The following ACSL3 variants were observed in gnomAD, a reference collection of about 807,000 sequenced individuals.
ACSL3 encodes acyl-CoA synthetase long chain family member 3.
In ACSL3, 34 loss-of-function variants were observed where a neutral mutation model predicts 84.7. The ratio of observed to expected loss-of-function variants is 0.40; its 90% CI spans 0.31 to 0.53. The LOEUF (loss-of-function observed/expected upper bound fraction) is 0.53, where lower values mean the gene tolerates loss of function less well. Ranked by LOEUF, ACSL3 falls within the 20% of genes least tolerant of loss-of-function variation. The pLI is 0.48. For missense variants in ACSL3, 680 were observed against 873.1 expected, an observed-to-expected ratio of 0.78 and a Z score of 2.79; for synonymous variants, 315 against 299.4, an observed-to-expected ratio of 1.05 and a Z score of -0.54.
At chr2:222,867,515 G>A (rs1401674049) in intron 1 of ACSL3, among the ~76,000 whole-genome samples, 1 of 152,132 alleles carries the variant, frequency 6.6e-6, no homozygotes, top group African/African-American at 2.4e-5. Context: ...GGTACTGCAT[G>A]TATTCTTGTT....
At chr2:222,875,862 C>G (rs917364890) in intron 1 of ACSL3, among the ~76,000 whole-genome samples, 1 of 151,924 alleles carries the variant, frequency 6.6e-6, no homozygotes, top group African/African-American at 2.4e-5. Flanking sequence ...TTTTGTTTTT[C>G]CCTGTTTTAA....
At chr2:222,889,690 C>T (rs952098364) in intron 2 of ACSL3, among the ~76,000 whole-genome samples, 2 of 152,214 alleles carry the variant, frequency 1.3e-5, no homozygotes, top group Non-Finnish European at 2.9e-5. Flanking sequence ...AGCAAGTTTG[C>T]TCCTCCCTTG....
chr2:222,933,907 ATGATTC>A (rs1697101887), intron 15 of ACSL3, among the ~76,000 whole-genome samples: 1 of 152,246 alleles, frequency 6.6e-6, no homozygotes, highest in Admixed American at 6.5e-5. Flanking sequence ...TTATTTATAA[ATGATTC>A]TGGTCTTTAG....
chr2:222,917,661 A>G, intron 5 of ACSL3: 1 of 155,070 alleles, frequency 6.4e-6, no homozygotes, highest in Non-Finnish European at 1.4e-5. Context: ...TAAATCTGAC[A>G]TTCAGTGTGT....
intron 3 of ACSL3, 27 bp downstream of exon 3, chr2:222,900,807 A>G (rs917138615): frequency 6.6e-6 from 1 of 152,146 alleles, no homozygotes; most frequent in African/African-American, 2.4e-5. Flanking sequence ...ACTGATTTTT[A>G]TCTAATTTCT....
rs143517161 is a variant in ACSL3, at chr2:222,913,211, A to G, written c.379-3108A>G. 1.2e-3 allele frequency among the ~76,000 whole-genome samples: 190 copies of G among 152,314 alleles called. 1 individual carries two copies. The highest frequency in any genetic ancestry group is 5.2e-3 in the East Asian group (27 of 5,190). ...ATTCCTTCTAAATTGATCCAAAAAG[A>G]TAATAGAAACACTCATTTATGTCCT... On this transcript the variant is annotated intron_variant, in intron 4 of 16. Coordinates refer to ENST00000357430, the MANE Select transcript of ACSL3 (RefSeq NM_004457.5).
chr2:222,921,325 T>A lies in ACSL3; in HGVS notation c.851T>A (p.Ile284Asn). ...CCATTGCCCTCAGATATTGCAGTAA[T>A]CATGTACACAAGTGGATCCACAGGA... ...SKPLPSDIAV[I>N]MYTSGSTGLP... The change falls in exon 8 of 17, where the codon ATC (isoleucine) becomes AAC (asparagine). Residue 284 changes from isoleucine to asparagine, a missense_variant. By Grantham distance (149) the Ile-to-Asn change is moderately radical (BLOSUM62 -3). This residue lies in a region of ACSL3 where 333 missense variants were observed against 347.5 expected (regional missense o/e 0.96). Transcript: ENST00000357430. The A allele has an allele frequency of 6.2e-7, 1 of 1,602,124 alleles. No homozygotes were observed. The highest frequency in any genetic ancestry group is 1.1e-5 in the South Asian group (1 of 90,708).
intron 3 of ACSL3, 128 bp from the exon 4 acceptor site, chr2:222,908,605 A>G (rs1212765430): frequency 1.0e-5 from 6 of 583,014 alleles, no homozygotes; most frequent in African/African-American, 9.8e-5. Context: ...ATATCAAGAC[A>G]TTGTAGGGGA....
At chr2:222,885,410 G>A (rs1695695042) in intron 1 of ACSL3, among the ~76,000 whole-genome samples, 1 of 151,964 alleles carries the variant, frequency 6.6e-6, no homozygotes, top group South Asian at 2.1e-4. Flanking sequence ...TTTTAATGTA[G>A]GAAATGATAC....
At chr2:222,882,780 T>TTTTTTTTA (rs55838924) in intron 1 of ACSL3, among the ~76,000 whole-genome samples, 2 of 123,694 alleles carry the variant, frequency 1.6e-5, no homozygotes, top group African/African-American at 3.0e-5. Context: ...TTTTTTTTTT[T>TTTTTTTTA]GAAGACAGAT....
chr2:222,882,118 T>G (rs1181890608), intron 1 of ACSL3, among the ~76,000 whole-genome samples: 7 of 152,244 alleles, frequency 4.6e-5, no homozygotes, highest in African/African-American at 1.7e-4. Context: ...TCATTCTGGC[T>G]TAACAAAATT....
At chr2:222,926,327 G>A (rs1696873203) in intron 11 of ACSL3, among the ~76,000 whole-genome samples, 2 of 152,244 alleles carry the variant, frequency 1.3e-5, no homozygotes, top group Non-Finnish European at 2.9e-5. Context: ...AGGGATAACT[G>A]TAAAAGCTGA....
chr2:222,927,406 G>T (rs1696911921), intron 12 of ACSL3, among the ~76,000 whole-genome samples: 1 of 152,182 alleles, frequency 6.6e-6, no homozygotes, highest in Admixed American at 6.5e-5. Flanking sequence ...ATATCAAACT[G>T]ATAGGTAATA....
chr2:222,888,315 G>GT (rs766829730), intron 2 of ACSL3, among the ~76,000 whole-genome samples: 1 of 152,190 alleles, frequency 6.6e-6, no homozygotes, highest in East Asian at 1.9e-4. Flanking sequence ...GGTTATTACA[G>GT]TTGTCATGGG....
rs187983407 is a variant in ACSL3, at chr2:222,902,961, C to T, written c.-41+2181C>T. 1.5e-3 allele frequency among the ~76,000 whole-genome samples: 233 copies of T among 152,206 alleles called. 1 individual carries two copies. Among genetic ancestry groups the T allele is most frequent in the African/African-American group, 5.0e-3 (206 of 41,514 alleles). The stretch of plus-strand genomic sequence containing the variant: ...TTTAGGCTTGAAGGTGAGGTTTCAC[C>T]GGGGACTCTACCCTATCTGCCTAGG... On this transcript the variant is annotated intron_variant, in intron 3 of 16. Transcript: ENST00000357430.
rs1559304406 is a variant in ACSL3 at position 222,934,690 on chromosome 2, G to C, written c.2005+3G>C. 2 of 1,606,886 alleles carry C rather than the reference G, an allele frequency of 1.2e-6. No individual in the cohort carries two copies. The highest frequency in any genetic ancestry group is 1.7e-6 in the Non-Finnish European group (2 of 1,177,700). On this transcript the variant is annotated splice_donor_region_variant and intron_variant, in intron 16 of 16. Coordinates refer to ENST00000357430, the MANE Select transcript of ACSL3 (RefSeq NM_004457.5). ...GCTTTCCGAAGCTGCTATTTCAGGT[G>C]AGTATTCGGTTAAACTGATACTAAA...
chr2:222,928,616 A>T (rs187252367), intron 12 of ACSL3, among the ~76,000 whole-genome samples: 1 of 151,876 alleles, frequency 6.6e-6, no homozygotes, highest in Non-Finnish European at 1.5e-5. Context: ...TTACATCTAA[A>T]ATTTCCTGAT....
intron 12 of ACSL3, among the ~76,000 whole-genome samples, chr2:222,928,135 G>T (rs1244346704): frequency 6.6e-6 from 1 of 152,188 alleles, no homozygotes; most frequent in African/African-American, 2.4e-5. Flanking sequence ...TTTGGTCTTT[G>T]AAGAGGAAAC....
chr2:222,909,281 A>G (rs1442497264), intron 4 of ACSL3, 131 bp downstream of exon 4: 2 of 878,396 alleles, frequency 2.3e-6, no homozygotes, highest in Admixed American at 2.9e-5. Flanking sequence ...GAAGGGGGCT[A>G]GACTACCTTC....
Sources: allele counts gnomAD v4.1 joint callset (sites outside exome capture counted in the v4.1 genomes callset), GRCh38; gene constraint gnomAD v4.1.1; regional missense constraint gnomAD v4.1.1; transcripts MANE v1.5; gene names NCBI Gene and HGNC (gene_info 2026-07-23, HGNC 2026-07-21).